SNX1: variants seen among roughly 807,000 people sequenced by gnomAD.
SNX1 encodes the protein sorting nexin-1.
Under a neutral mutation model 71.8 loss-of-function variants are expected in SNX1, and 36 were observed. The ratio of observed to expected loss-of-function variants is 0.50; its 90% confidence interval spans 0.38 to 0.66. The LOEUF is 0.66. Among genes scored for constraint, SNX1 ranks in the 30% least tolerant of loss-of-function variants. SNX1 has a pLI of 0.00. For synonymous variants in SNX1, 254 were observed against 240.7 expected (o/e 1.06, Z -0.51); for missense variants, 612 against 646.7 (o/e 0.95, Z 0.58).
rs762433517 is a variant in SNX1 at position 64,130,186 on chromosome 15, A to G, written c.922-42A>G. 1.9e-6 allele frequency: 3 copies of G among 1,575,088 alleles called. No individual in the cohort carries two copies. In the South Asian group the frequency reaches 3.3e-5, roughly 17 times the overall value. On this transcript the variant is annotated intron_variant, in intron 9 of 14. Transcript: ENST00000559844. ...GCTAAAGAAAGACTGTACTGCACCC[A>G]TAAAAGTAATCTCATTAAAGTTCTG...
rs1232845300 is a variant in SNX1 at position 64,130,258 on chromosome 15, T to G, written c.952T>G (p.Cys318Gly). The G allele has an allele frequency of 1.2e-6, 2 of 1,613,784 alleles. No individual in the cohort carries two copies. Among genetic ancestry groups the G allele is most frequent in the East Asian group, 2.2e-5 (1 of 44,886 alleles). ...WFEEKLQEVECEEQRLRKLHA... is the reference protein window; with the variant it reads ...WFEEKLQEVEGEEQRLRKLHA... ...TGAGGAGAAGCTCCAGGAGGTAGAG[T>G]GTGAGGAGCAGCGCTTACGGAAACT... The change falls in exon 10 of 15, where the codon TGT (cysteine) becomes GGT (glycine). Residue 318 changes from cysteine to glycine, a missense_variant. Physicochemically the swap from Cys to Gly is radical, Grantham distance 159 (BLOSUM62 -3). Coordinates refer to ENST00000559844, the MANE Select transcript of SNX1 (RefSeq NM_003099.5).
rs865955272 is a variant in SNX1, at chr15:64,137,691, C to A, written c.*73C>A. ...CACTGTCCTCCTCCACCTTGATGGA[C>A]CCCTAGTGATGCATCCTGCCTAGGC... On this transcript the variant is annotated 3_prime_UTR_variant, in exon 15 of 15. Transcript: ENST00000559844. 6.2e-6 allele frequency: 10 copies of A among 1,607,744 alleles called. No homozygotes were observed. Among genetic ancestry groups the A allele is most frequent in the Middle Eastern group, 1.7e-4 (1 of 6,048 alleles).
intron 1 of SNX1, among the ~76,000 whole-genome samples, chr15:64,098,016 C>T (rs1449088084): frequency 6.6e-6 from 1 of 152,220 alleles, no homozygotes; most frequent in African/African-American, 2.4e-5. Context: ...GTCTTTGTGA[C>T]TGTCATAAAA....
chr15:64,121,920 C>G (rs2081200407), intron 4 of SNX1, among the ~76,000 whole-genome samples: 1 of 152,166 alleles, frequency 6.6e-6, no homozygotes, highest in Non-Finnish European at 1.5e-5. Flanking sequence ...TCAACTTTTA[C>G]CAGGATATGC....
At chr15:64,121,544 C>T (rs1567325912) in intron 4 of SNX1, among the ~76,000 whole-genome samples, 1 of 152,190 alleles carries the variant, frequency 6.6e-6, no homozygotes, top group Non-Finnish European at 1.5e-5. Flanking sequence ...TGGAGTAGGG[C>T]CCACCCTAAT....
In SNX1 at chr15:64,134,930, G is replaced by A. The variant is rs956627781; in HGVS notation, c.1365+123G>A. 9.6e-5 allele frequency: 125 copies of A among 1,302,030 alleles called. No individual in the cohort carries two copies. The highest frequency in any genetic ancestry group is 4.7e-4 in the Middle Eastern group (2 of 4,300). The allele number at this position is 1,302,030 out of a possible 1,614,324, so 80.7% of individuals were successfully genotyped here. On this transcript the variant is annotated intron_variant, in intron 12 of 14. Coordinates refer to ENST00000559844, the MANE Select transcript of SNX1 (RefSeq NM_003099.5). This position sits in a 1 kb window ranked among gnomAD's most constrained non-coding sequence, Gnocchi z 4.1. ...GAGCGCTGATTGAGTCTAAAGGGCC[G>A]TGGCTGCTGAGGAAGCCTCTGAGAA...
chr15:64,102,921 C>T (rs1222414263), intron 1 of SNX1, among the ~76,000 whole-genome samples: 1 of 151,946 alleles, frequency 6.6e-6, no homozygotes, highest in East Asian at 1.9e-4. Context: ...TGCATGCCAC[C>T]ATGCCCAGCT....
chr15:64,116,391 G>A (rs948037628), intron 2 of SNX1, among the ~76,000 whole-genome samples: 3 of 152,138 alleles, frequency 2.0e-5, no homozygotes, highest in Admixed American at 2.0e-4. Flanking sequence ...AGGGTCAACT[G>A]TACTTTTTTG....
intron 10 of SNX1, 84 bp from the exon 11 acceptor site, chr15:64,131,603 T>A (rs2081307650): frequency 4.4e-6 from 6 of 1,366,742 alleles, no homozygotes; most frequent in Non-Finnish European, 6.2e-6. Flanking sequence ...GCGGCATTGC[T>A]AAGACATGCC....
intron 4 of SNX1, 24 bp from the exon 5 acceptor site, chr15:64,123,476 ATCT>A (rs776778887): frequency 1.0e-5 from 16 of 1,606,766 alleles, no homozygotes; most frequent in Middle Eastern, 1.6e-4. Flanking sequence ...TTACAAGATA[ATCT>A]TCTGCTTTCT....
intron 1 of SNX1, among the ~76,000 whole-genome samples, chr15:64,111,969 A>G (rs1304516701): frequency 1.3e-5 from 2 of 152,274 alleles, no homozygotes; most frequent in African/African-American, 4.8e-5. Context: ...CACTAGGCTA[A>G]GCATGATTAG....
At chr15:64,136,758 T>C (rs2081363952) in intron 13 of SNX1, 103 bp from the exon 14 acceptor site, 1 of 822,828 alleles carries the variant, frequency 1.2e-6, no homozygotes, top group Non-Finnish European at 2.0e-6. Context: ...CTGCTGCCTC[T>C]ACTTTCTGAG....
Position 64,126,043 on chromosome 15 carries a change from G to C in SNX1, c.511-36G>C, listed in dbSNP as rs774570786. ...CTTTCAAGATACCATCCCCTATTTG[G>C]AATGAAATTGCCTTGTGTTTTTTCC... On this transcript the variant is annotated intron_variant, in intron 5 of 14. Transcript: ENST00000559844. 5.0e-6 allele frequency: 8 copies of C among 1,612,284 alleles called. 1 individual carries two copies. The African/African-American group carries it at 5.3e-5, about 11-fold the overall frequency.
intron 2 of SNX1, 52 bp from the exon 3 acceptor site, chr15:64,118,065 C>G: frequency 1.3e-6 from 2 of 1,575,442 alleles, no homozygotes. Context: ...ACAAGTTTAG[C>G]CTTCAAAGAC....
intron 1 of SNX1, among the ~76,000 whole-genome samples, chr15:64,104,489 G>T (rs998933554): frequency 2.0e-5 from 3 of 151,954 alleles, no homozygotes; most frequent in African/African-American, 4.8e-5. Flanking sequence ...TAGCCAGGAT[G>T]GTCTCAATCT....
intron 2 of SNX1, 79 bp from the exon 3 acceptor site, chr15:64,118,038 G>A (rs2081150471): frequency 5.0e-6 from 7 of 1,392,386 alleles, no homozygotes; most frequent in South Asian, 2.5e-5. Context: ...TATTGTTCTT[G>A]TAAGTTCTTA....
In SNX1 at chr15:64,143,870, C is replaced by T. The variant is rs2081438551; in HGVS notation, c.*6252C>T. On this transcript the variant is annotated 3_prime_UTR_variant, in exon 15 of 15. Coordinates refer to ENST00000559844, the MANE Select transcript of SNX1 (RefSeq NM_003099.5). ...GAAATGCCCGTCATAGCACTGTTTA[C>T]AGTTGCAAAAACTGAAGCCAATTGA... 1 of 152,184 alleles carries T rather than the reference C, an allele frequency of 6.6e-6. No homozygotes were observed. Among genetic ancestry groups the T allele is most frequent in the South Asian group, 2.1e-4 (1 of 4,836 alleles). 9.4% of individuals were successfully genotyped at this position (152,184 alleles called of 1,614,324 possible).
At chr15:64,110,124 G>A (rs1274612840) in intron 1 of SNX1, among the ~76,000 whole-genome samples, 1 of 152,136 alleles carries the variant, frequency 6.6e-6, no homozygotes, top group African/African-American at 2.4e-5. Context: ...ATTTTTGTAC[G>A]CTTTTTAATG....
intron 2 of SNX1, 98 bp from the exon 3 acceptor site, chr15:64,118,019 A>G: frequency 8.8e-7 from 1 of 1,136,066 alleles, no homozygotes; most frequent in Non-Finnish European, 1.3e-6. Flanking sequence ...ATGTATTGAG[A>G]GTGCTTGCTA....
Sources: gnomAD v4.1 joint callset for allele counts (sites outside exome capture counted in the v4.1 genomes callset) on GRCh38, gnomAD v4.1.1 for gene constraint, Gnocchi (gnomAD v3.1) non-coding constraint, MANE v1.5 for transcripts, NCBI Gene and HGNC (gene_info 2026-07-23, HGNC 2026-07-21) for gene names.